The following ADORA2B variants were observed in gnomAD, a reference collection of about 807,000 sequenced individuals.
The protein encoded by ADORA2B is adenosine A2b receptor.
ADORA2B carries 18 observed loss-of-function variants against 20.8 expected under a neutral mutation model. That is an observed-to-expected ratio of 0.87 (90% CI 0.60 to 1.29). The LOEUF is 1.29. Among genes scored for constraint, ADORA2B ranks in the 50% most tolerant of loss-of-function variants. The probability of loss-of-function intolerance (pLI) is 0.00; values close to 1 mark genes in which losing one functional copy is unlikely to be tolerated. For missense variants in ADORA2B, 441 were observed against 422.7 expected, an observed-to-expected ratio of 1.04 and a Z score of -0.38; for synonymous variants, 179 against 178.3, an observed-to-expected ratio of 1.00 and a Z score of -0.03.
chr17:15,884,107 C>G, the ADORA2B span, among the ~76,000 whole-genome samples: 1 of 152,210 alleles, frequency 6.6e-6, no homozygotes, highest in Non-Finnish European at 1.5e-5. Context: ...TTGGGCCCAG[C>G]ATCCAGTCCC....
chr17:15,908,879 C>T, the ADORA2B span, among the ~76,000 whole-genome samples: 1 of 152,132 alleles, frequency 6.6e-6, no homozygotes, highest in African/African-American at 2.4e-5. Flanking sequence ...GGGCAGCCTC[C>T]CTTCTTCCAG....
chr17:15,863,776 C>T, the ADORA2B span, among the ~76,000 whole-genome samples: 1 of 152,158 alleles, frequency 6.6e-6, no homozygotes, highest in African/African-American at 2.4e-5. Flanking sequence ...ATTATATTTA[C>T]ACAAATAAAA....
At chr17:15,922,250 A>G in the ADORA2B span, among the ~76,000 whole-genome samples, 924 of 152,324 alleles carry the variant, frequency 6.1e-3, 6 homozygotes, top group Middle Eastern at 0.027. Context: ...CATACAGGCA[A>G]ATGTGAGTAG....
At chr17:15,953,214 C>T (rs780694212) in intron 1 of ADORA2B, among the ~76,000 whole-genome samples, 16 of 152,140 alleles carry the variant, frequency 1.1e-4, no homozygotes, top group African/African-American at 3.4e-4. Context: ...TGGTGGGGGA[C>T]GGGCCAGGGA....
intron 1 of ADORA2B, among the ~76,000 whole-genome samples, chr17:15,946,749 G>A (rs1186958223): frequency 1.3e-5 from 2 of 152,058 alleles, no homozygotes; most frequent in Admixed American, 1.3e-4. Context: ...GGTGTATCAG[G>A]GATGGGTGTC....
chr17:15,964,884 A>AT (rs1970089998), intron 1 of ADORA2B, among the ~76,000 whole-genome samples: 1 of 151,946 alleles, frequency 6.6e-6, no homozygotes, highest in Non-Finnish European at 1.5e-5. Flanking sequence ...ACACGGTGAA[A>AT]CCCCGTCTCT....
the ADORA2B span, among the ~76,000 whole-genome samples, chr17:15,893,009 G>A: frequency 3.9e-5 from 6 of 152,100 alleles, no homozygotes; most frequent in Non-Finnish European, 5.9e-5. Flanking sequence ...ACATTCCCCC[G>A]TCTGGAACTT....
chr17:15,943,641 C>T (rs144525187), upstream of ADORA2B, among the ~76,000 whole-genome samples: 286 of 152,300 alleles, frequency 1.9e-3, 1 homozygote, highest in African/African-American at 6.7e-3. Context: ...ATTACAGCTA[C>T]ATTGAGATAT....
chr17:15,974,016 T>C (rs1031137060), intron 1 of ADORA2B: 2 of 152,082 alleles, frequency 1.3e-5, no homozygotes, highest in African/African-American at 2.4e-5. Flanking sequence ...TGCAGTCACG[T>C]GGTGGAAGAT....
the ADORA2B span, among the ~76,000 whole-genome samples, chr17:15,912,470 A>G: frequency 6.6e-6 from 1 of 152,094 alleles, no homozygotes; most frequent in Non-Finnish European, 1.5e-5. Context: ...AAGCCACACT[A>G]TCCCAGCCTT....
At chr17:15,906,698 T>C in the ADORA2B span, among the ~76,000 whole-genome samples, 2 of 152,212 alleles carry the variant, frequency 1.3e-5, no homozygotes, top group African/African-American at 2.4e-5. Context: ...AAGTATTAGA[T>C]AGAATTCACA....
At chr17:15,965,655 A>T (rs552153622) in intron 1 of ADORA2B, among the ~76,000 whole-genome samples, 1 of 152,276 alleles carries the variant, frequency 6.6e-6, no homozygotes, top group Non-Finnish European at 1.5e-5. Flanking sequence ...GACAGTGTTC[A>T]GCAGGAAAGG....
intron 1 of ADORA2B, among the ~76,000 whole-genome samples, chr17:15,961,153 C>T (rs895173474): frequency 1.6e-4 from 19 of 117,226 alleles, no homozygotes; most frequent in South Asian, 3.5e-4. Flanking sequence ...GGCAACAGAG[C>T]GAGACTCTGT....
chr17:15,868,082 G>T, the ADORA2B span, among the ~76,000 whole-genome samples: 2 of 145,220 alleles, frequency 1.4e-5, no homozygotes, highest in Admixed American at 1.4e-4. Flanking sequence ...CCCCAATCCT[G>T]TGCTCTCTGA....
At chr17:15,864,380 T>C in the ADORA2B span, among the ~76,000 whole-genome samples, 2 of 152,162 alleles carry the variant, frequency 1.3e-5, no homozygotes, top group Admixed American at 6.5e-5. Flanking sequence ...GGGGACCTTT[T>C]CCTTTGCTCA....
the ADORA2B span, among the ~76,000 whole-genome samples, chr17:15,912,508 C>G: frequency 6.6e-6 from 1 of 152,202 alleles, no homozygotes; most frequent in African/African-American, 2.4e-5. Context: ...TGCATCTTCT[C>G]AGACAGCACA....
the ADORA2B span, among the ~76,000 whole-genome samples, chr17:15,883,842 G>A: frequency 1.8e-3 from 273 of 152,320 alleles, 2 homozygotes; most frequent in African/African-American, 6.2e-3. Context: ...AATGCCTGCT[G>A]TCTCCATCCA....
In ADORA2B at chr17:15,975,440, GA is replaced by G; in HGVS notation, c.*101del. 7.7e-7 allele frequency: 1 copy of G among 1,292,184 alleles called. No individual in the cohort carries two copies. The highest frequency in any genetic ancestry group is 1.1e-6 in the Non-Finnish European group (1 of 938,110). The allele number at this position is 1,292,184 out of a possible 1,614,324, so 80.0% of individuals were successfully genotyped here. On this transcript the variant is annotated 3_prime_UTR_variant, in exon 2 of 2. Coordinates refer to ENST00000304222, the MANE Select transcript of ADORA2B (RefSeq NM_000676.4). ...GTGAAAGATAGCTACACCTCACAAG[GA>G]AATGGACTGCCTCTCTTGAGCACTT...
the ADORA2B span, among the ~76,000 whole-genome samples, chr17:15,913,331 C>A: frequency 6.6e-6 from 1 of 152,180 alleles, no homozygotes; most frequent in African/African-American, 2.4e-5. Context: ...GTGGAAATAT[C>A]CAGCTCCCAC....
Sources: allele counts gnomAD v4.1 joint callset (sites outside exome capture counted in the v4.1 genomes callset), GRCh38; gene constraint gnomAD v4.1.1; transcripts MANE v1.5; gene names NCBI Gene and HGNC (gene_info 2026-07-23, HGNC 2026-07-21).